RWDD1: variants seen among roughly 807,000 people sequenced by gnomAD.
The protein encoded by RWDD1 is RWD domain-containing protein 1.
In RWDD1, 17 loss-of-function variants were observed where a neutral mutation model predicts 31.6. The observed-to-expected ratio is 0.54, with a 90% CI of 0.37 to 0.81. The LOEUF (loss-of-function observed/expected upper bound fraction) is 0.81. Among genes scored for constraint, RWDD1 ranks in the 30% least tolerant of loss-of-function variants. The pLI is 0.00. For missense variants in RWDD1, 204 were observed against 274.5 expected (o/e 0.74, Z 1.82); for synonymous variants, 78 against 94.2 (o/e 0.83, Z 0.99).
Position 116,580,276 on chromosome 6 carries a change from T to C in RWDD1, c.74-19T>C. 6.4e-7 allele frequency: 1 copy of C among 1,572,340 alleles called. No individual in the cohort carries two copies. The highest frequency in any genetic ancestry group is 8.7e-7 in the Non-Finnish European group (1 of 1,149,694). On this transcript the variant is annotated intron_variant, in intron 1 of 6. Transcript: ENST00000466444. ...CCTTAGAAAGCATTTCAATAACTTCTGTGTGTATTTTCTTGCAGTATTATC... is the reference window on the plus strand; with the variant it reads ...CCTTAGAAAGCATTTCAATAACTTCCGTGTGTATTTTCTTGCAGTATTATC...
chr6:116,577,794 T>G (rs1774876317), intron 1 of RWDD1, among the ~76,000 whole-genome samples: 1 of 152,166 alleles, frequency 6.6e-6, no homozygotes, highest in Non-Finnish European at 1.5e-5. Flanking sequence ...CTTCCTATGT[T>G]TTGAGAACAA....
intron 2 of RWDD1, among the ~76,000 whole-genome samples, 188 bp downstream of exon 2, chr6:116,580,548 T>A (rs1774930413): frequency 6.6e-6 from 1 of 152,222 alleles, no homozygotes; most frequent in East Asian, 1.9e-4. Context: ...AGAGAGGAAA[T>A]TAATGAAATA....
At chr6:116,590,118 C>G (rs1174364514) in intron 4 of RWDD1, among the ~76,000 whole-genome samples, 154 bp from the exon 5 acceptor site, 1 of 152,168 alleles carries the variant, frequency 6.6e-6, no homozygotes, top group African/African-American at 2.4e-5. Context: ...GTAGCCAGTG[C>G]AGGCAGAAAT....
At position 116,593,366 on chromosome 6, in the gene RWDD1, A is replaced by T. The variant is rs1775184024; in HGVS notation, c.*265A>T. On this transcript the variant is annotated 3_prime_UTR_variant, in exon 7 of 7. Coordinates refer to ENST00000466444, the MANE Select transcript of RWDD1 (RefSeq NM_015952.4). ...ATCCTGCCTATAGCACCAAGACTCG[A>T]AGGTAGGCTGCTGCTGTGCACATGA... 1 of 260,500 alleles carries T rather than the reference A, an allele frequency of 3.8e-6. No individual in the cohort carries two copies. The highest frequency in any genetic ancestry group is 7.8e-5 in the East Asian group (1 of 12,868). 16.1% of individuals were successfully genotyped at this position (260,500 alleles called of 1,614,324 possible).
At chr6:116,571,765 C>A in intron 1 of RWDD1, 110 bp downstream of exon 1, 1 of 873,436 alleles carries the variant, frequency 1.1e-6, no homozygotes, top group Non-Finnish European at 1.7e-6. Flanking sequence ...GACCTTGAGG[C>A]CGCGCGGCCA....
intron 2 of RWDD1, 86 bp from the exon 3 acceptor site, chr6:116,584,641 A>T: frequency 8.4e-7 from 1 of 1,186,300 alleles, no homozygotes; most frequent in Non-Finnish European, 1.2e-6. Flanking sequence ...AGGAAAATCT[A>T]TTGTGCTACT....
chr6:116,588,941 G>T lies in RWDD1; in HGVS notation c.370G>T (p.Glu124Ter). 1 of 1,446,950 alleles carries T rather than the reference G, an allele frequency of 6.9e-7. No homozygotes were observed. Among genetic ancestry groups the T allele is most frequent in the Non-Finnish European group, 9.2e-7 (1 of 1,090,650 alleles). The allele number at this position is 1,446,950 out of a possible 1,614,324, so 89.6% of individuals were successfully genotyped here. ...AGATCAGATAAAAACTAGAAGAGAA[G>T]AAGAAAAGAAACAAAAAGAAAAAGA... is the stretch of plus-strand genomic sequence containing the variant. ...IVDQIKTRRE[E>*]EKKQKEKEAE... The change falls in exon 4 of 7, where the codon GAA becomes TAA. Residue 124 changes from glutamate to a stop codon, truncating the protein, a stop_gained. Coordinates refer to ENST00000466444, the MANE Select transcript of RWDD1 (RefSeq NM_015952.4). LOFTEE classifies it high-confidence loss of function.
chr6:116,580,256 G>A (rs747136186), intron 1 of RWDD1, 39 bp from the exon 2 acceptor site: 19 of 1,482,454 alleles, frequency 1.3e-5, no homozygotes, highest in Non-Finnish European at 1.8e-5. Context: ...ATCTGCCTTA[G>A]AAAGCATTTC....
chr6:116,573,122 A>G (rs929224615), intron 1 of RWDD1: 2 of 418,366 alleles, frequency 4.8e-6, no homozygotes, highest in Non-Finnish European at 3.2e-6. Context: ...CATACTAGGT[A>G]TGAACACTGT....
rs542817530 is a variant in RWDD1 at position 116,584,914 on chromosome 6, A to C, written c.270+57A>C. ...AGCATTTATTGGCCTTAAATATTAC[A>C]TATTAATTTCAAGAGTTAGAAAATG... On this transcript the variant is annotated intron_variant, in intron 3 of 6. Transcript: ENST00000466444. 46 of 1,346,144 alleles carry C rather than the reference A, an allele frequency of 3.4e-5. No individual in the cohort carries two copies. In the African/African-American group the frequency reaches 5.9e-4, roughly 17 times the overall value. The allele number at this position is 1,346,144 out of a possible 1,614,324, so 83.4% of individuals were successfully genotyped here.
At chr6:116,580,979 C>T (rs1393012655) in intron 2 of RWDD1, among the ~76,000 whole-genome samples, 1 of 152,006 alleles carries the variant, frequency 6.6e-6, no homozygotes, top group Non-Finnish European at 1.5e-5. Flanking sequence ...ACTAACAACC[C>T]TACACATTTT....
chr6:116,590,152 A>G (rs1420035669), intron 4 of RWDD1, 120 bp from the exon 5 acceptor site: 4 of 540,212 alleles, frequency 7.4e-6, no homozygotes, highest in Non-Finnish European at 6.3e-6. Context: ...TCAAAAATTC[A>G]AACATTAATT....
Position 116,591,033 on chromosome 6 carries a change from G to A in RWDD1, c.610+83G>A. On this transcript the variant is annotated intron_variant, in intron 6 of 6. Transcript: ENST00000466444. The stretch of plus-strand genomic sequence containing the variant: ...CCCAGCATTTTGGAAAGCCAAGGCA[G>A]GAGGATTGCTTGAGCCCAGGAGTTT... 3 of 1,471,134 alleles carry A rather than the reference G, an allele frequency of 2.0e-6. No homozygotes were observed. In the South Asian group the frequency reaches 4.6e-5, roughly 22 times the overall value. The allele number at this position is 1,471,134 out of a possible 1,614,324, so 91.1% of individuals were successfully genotyped here.
At chr6:116,577,045 G>T (rs1774858161) in intron 1 of RWDD1, among the ~76,000 whole-genome samples, 1 of 152,170 alleles carries the variant, frequency 6.6e-6, no homozygotes, top group Admixed American at 6.5e-5. Context: ...ATTCTAATAG[G>T]TAGGGTGGCT....
chr6:116,586,202 A>G (rs1775037081), intron 3 of RWDD1, among the ~76,000 whole-genome samples: 1 of 152,180 alleles, frequency 6.6e-6, no homozygotes, highest in East Asian at 1.9e-4. Context: ...ATAATTTTCC[A>G]GTATCAAAAT....
rs1474119078 is a variant in RWDD1 at position 116,594,384 on chromosome 6, G to A, written c.*1283G>A. ...TATTTAAATTAGAATCATTTGTGGAGTTTCTAAAAGGTATGCATTCCTAGG... is the reference window on the plus strand; with the variant it reads ...TATTTAAATTAGAATCATTTGTGGAATTTCTAAAAGGTATGCATTCCTAGG... On this transcript the variant is annotated 3_prime_UTR_variant, in exon 7 of 7. Coordinates refer to ENST00000466444, the MANE Select transcript of RWDD1 (RefSeq NM_015952.4). 1 of 152,024 alleles carries A rather than the reference G, an allele frequency of 6.6e-6. No individual in the cohort carries two copies. The highest frequency in any genetic ancestry group is 2.4e-5 in the African/African-American group (1 of 41,394). 9.4% of individuals were successfully genotyped at this position (152,024 alleles called of 1,614,324 possible). A position where few individuals can be genotyped will look rare whatever the true frequency, so the allele number is the denominator to read the frequency against.
chr6:116,585,274 G>T (rs1468062162), intron 3 of RWDD1, among the ~76,000 whole-genome samples: 5 of 152,058 alleles, frequency 3.3e-5, no homozygotes, highest in Admixed American at 3.3e-4. Flanking sequence ...AAAAGGACTG[G>T]TAATTGATTT....
At chr6:116,582,267 TA>T (rs1424323863) in intron 2 of RWDD1, among the ~76,000 whole-genome samples, 102 of 150,230 alleles carry the variant, frequency 6.8e-4, no homozygotes, top group African/African-American at 2.4e-3. Flanking sequence ...TTTTTTTTTT[TA>T]AACTTAGTTA....
At chr6:116,579,833 T>G (rs546204091) in intron 1 of RWDD1, among the ~76,000 whole-genome samples, 22 of 152,318 alleles carry the variant, frequency 1.4e-4, no homozygotes, top group African/African-American at 5.1e-4. Context: ...ACATAAACTT[T>G]AACAAATCGG....
Sources: gnomAD v4.1 joint callset for allele counts (sites outside exome capture counted in the v4.1 genomes callset) on GRCh38, gnomAD v4.1.1 for gene constraint, MANE v1.5 for transcripts, NCBI Gene and HGNC (gene_info 2026-07-23, HGNC 2026-07-21) for gene names.